Variants in ANLN observed in about 807,000 individuals in gnomAD.
ANLN encodes the protein anillin.
In ANLN, 59 loss-of-function variants were observed where a neutral mutation model predicts 135.1. The observed-to-expected ratio is 0.44, with a 90% CI of 0.35 to 0.54. The LOEUF (loss-of-function observed/expected upper bound fraction) is 0.54. Among genes scored for constraint, ANLN ranks in the 20% least tolerant of loss-of-function variants. The pLI is 0.00. For missense variants in ANLN, 1,182 were observed against 1,340.0 expected, an observed-to-expected ratio of 0.88 and a Z score of 1.84; for synonymous variants, 406 against 456.4, an observed-to-expected ratio of 0.89 and a Z score of 1.41.
At chr7:36,440,524 G>A (rs781004000) in intron 21 of ANLN, among the ~76,000 whole-genome samples, 2 of 152,196 alleles carry the variant, frequency 1.3e-5, no homozygotes, top group Non-Finnish European at 2.9e-5. Flanking sequence ...GGAGAGAAGA[G>A]TGTTGTGCTT....
intron 22 of ANLN, among the ~76,000 whole-genome samples, chr7:36,447,484 G>A (rs1452597793): frequency 2.1e-5 from 3 of 143,750 alleles, no homozygotes. Context: ...GAGTGCAGTC[G>A]CGGGATCTCG....
At chr7:36,405,238 G>A (rs1436298623) in intron 3 of ANLN, among the ~76,000 whole-genome samples, 1 of 152,198 alleles carries the variant, frequency 6.6e-6, no homozygotes, top group African/African-American at 2.4e-5. Flanking sequence ...TAACTATATA[G>A]TAGGCTACAC....
At chr7:36,423,657 A>G (rs1054796889) in intron 14 of ANLN, among the ~76,000 whole-genome samples, 160 bp from the exon 15 acceptor site, 5 of 152,124 alleles carry the variant, frequency 3.3e-5, no homozygotes, top group Non-Finnish European at 7.4e-5. Context: ...CTTAAGTCTT[A>G]TTTAGCTTTT....
At chr7:36,425,898 T>C (rs1410977408) in intron 18 of ANLN, 117 bp from the exon 19 acceptor site, 13 of 1,172,570 alleles carry the variant, frequency 1.1e-5, no homozygotes, top group Non-Finnish European at 1.6e-5. Flanking sequence ...GGAAAAGTGT[T>C]TTCTGAAATG....
chr7:36,393,440 G>C (rs185403698), intron 1 of ANLN, among the ~76,000 whole-genome samples: 5 of 152,316 alleles, frequency 3.3e-5, no homozygotes, highest in Admixed American at 3.3e-4. Flanking sequence ...GGAGAAGCTG[G>C]AACAGGGATT....
At chr7:36,443,296 T>C (rs1788854462) in intron 21 of ANLN, among the ~76,000 whole-genome samples, 1 of 152,212 alleles carries the variant, frequency 6.6e-6, no homozygotes, top group African/African-American at 2.4e-5. Flanking sequence ...TCTTTTCTAA[T>C]CCTGTTAGAA....
At chr7:36,413,986 TC>T (rs1364141172) in intron 7 of ANLN, among the ~76,000 whole-genome samples, 1 of 146,232 alleles carries the variant, frequency 6.8e-6, no homozygotes, top group African/African-American at 2.5e-5. Flanking sequence ...GGAGTGAGAC[TC>T]CGTCTCAAAA....
At chr7:36,426,499 A>T (rs1453430125) in intron 19 of ANLN, among the ~76,000 whole-genome samples, 1 of 152,058 alleles carries the variant, frequency 6.6e-6, no homozygotes, top group African/African-American at 2.4e-5. Flanking sequence ...AGGAATTAGG[A>T]TGGAGCTGGT....
intron 12 of ANLN, among the ~76,000 whole-genome samples, chr7:36,421,400 T>C (rs553168840): frequency 5.3e-5 from 8 of 152,014 alleles, no homozygotes; most frequent in Admixed American, 2.0e-4. Flanking sequence ...TAAAAAAAAA[T>C]AGAGATGGAG....
chr7:36,441,992 G>A (rs766667727), intron 21 of ANLN, among the ~76,000 whole-genome samples: 31 of 152,284 alleles, frequency 2.0e-4, no homozygotes, highest in South Asian at 1.7e-3. Context: ...AGAGCATATG[G>A]TTGGAGCAAG....
chr7:36,453,596 C>T lies in ANLN; in HGVS notation c.*996C>T, dbSNP rs1214830337. 6.6e-6 allele frequency: 1 copy of T among 152,290 alleles called. No individual in the cohort carries two copies. Among genetic ancestry groups the T allele is most frequent in the Admixed American group, 6.5e-5 (1 of 15,280 alleles). 9.4% of individuals were successfully genotyped at this position (152,290 alleles called of 1,614,324 possible). On this transcript the variant is annotated 3_prime_UTR_variant, in exon 24 of 24. Coordinates refer to ENST00000265748, the MANE Select transcript of ANLN (RefSeq NM_018685.5). ...ATTATAAAATATTGTAAAGCAGGGT[C>T]TCAACTTTTAAATACACTTTGAACT...
chr7:36,397,299 C>T (rs954626529), intron 2 of ANLN, among the ~76,000 whole-genome samples: 2 of 152,136 alleles, frequency 1.3e-5, no homozygotes, highest in Admixed American at 1.3e-4. Context: ...GGTATTCAGC[C>T]AGGAAAATAG....
chr7:36,404,595 G>T (rs1001884736), intron 3 of ANLN, among the ~76,000 whole-genome samples: 3 of 152,168 alleles, frequency 2.0e-5, no homozygotes, highest in African/African-American at 7.2e-5. Context: ...CAACCTCAGC[G>T]TATTATTTTC....
At position 36,444,608 on chromosome 7, in the gene ANLN, A is replaced by G. The variant is rs531043655; in HGVS notation, c.3078+746A>G. 1.1e-3 allele frequency among the ~76,000 whole-genome samples: 167 copies of G among 152,300 alleles called. 1 individual carries two copies. The highest frequency in any genetic ancestry group is 3.5e-3 in the African/African-American group (146 of 41,578). ...TGTGTAATATATCATGTTTTTAAAG[A>G]AGTTAATATCATTGCCCAAGTAACA... On this transcript the variant is annotated intron_variant, in intron 22 of 23. Coordinates refer to ENST00000265748, the MANE Select transcript of ANLN (RefSeq NM_018685.5).
In ANLN at chr7:36,427,044, T is replaced by C; in HGVS notation, c.2883+16T>C. ...TCTGGACAAGGTAATCCAACTTTAT[T>C]TCTAAGGGTGTGGTGTTTTTTTTTT... On this transcript the variant is annotated intron_variant, in intron 20 of 23. Coordinates refer to ENST00000265748, the MANE Select transcript of ANLN (RefSeq NM_018685.5). 6.5e-7 allele frequency: 1 copy of C among 1,533,744 alleles called. No individual in the cohort carries two copies. The highest frequency in any genetic ancestry group is 1.9e-5 in the Admixed American group (1 of 52,660).
chr7:36,442,809 T>A (rs1788829208), intron 21 of ANLN, among the ~76,000 whole-genome samples: 1 of 151,900 alleles, frequency 6.6e-6, no homozygotes, highest in Non-Finnish European at 1.5e-5. Context: ...TTTTTGTATT[T>A]TTAGTAGAGA....
At chr7:36,416,006 T>C (rs1787626391) in intron 8 of ANLN, 122 bp downstream of exon 8, 4 of 853,110 alleles carry the variant, frequency 4.7e-6, no homozygotes, top group East Asian at 2.9e-5. Context: ...GGGGAATCTT[T>C]AGGGTTTTCT....
At position 36,417,178 on chromosome 7, in the gene ANLN, G is replaced by T; in HGVS notation, c.1621G>T (p.Glu541Ter). The change falls in exon 9 of 24, where the codon GAG becomes TAG. Residue 541 changes from glutamate (E) to a stop codon, truncating the protein, a stop_gained. Transcript: ENST00000265748. LOFTEE classifies it high-confidence loss of function. ...AAAAGTAACATCAGACCCAAAGGTT[G>T]AGCAGAAAATTGGTTGGTTTTTATT... ...SLKVTSDPKVEQKIEVIREIE... is the reference protein window; with the variant it reads ...SLKVTSDPKV The T allele has an allele frequency of 6.3e-7, 1 of 1,594,114 alleles. No homozygotes were observed. Among genetic ancestry groups the T allele is most frequent in the South Asian group, 1.1e-5 (1 of 86,976 alleles).
intron 1 of ANLN, among the ~76,000 whole-genome samples, chr7:36,390,728 G>T (rs1786412868): frequency 6.6e-6 from 1 of 152,168 alleles, no homozygotes; most frequent in Admixed American, 6.5e-5. Context: ...TGTTTCTGGG[G>T]CATATCATTA....
Sources: gnomAD v4.1 joint callset for allele counts (sites outside exome capture counted in the v4.1 genomes callset) on GRCh38, gnomAD v4.1.1 for gene constraint, MANE v1.5 for transcripts, NCBI Gene and HGNC (gene_info 2026-07-23, HGNC 2026-07-21) for gene names.